The following ADAMTS6 variants were observed in gnomAD, a reference collection of about 807,000 sequenced individuals.
ADAMTS6 encodes the protein A disintegrin and metalloproteinase with thrombospondin motifs 6.
Under a neutral mutation model 144.3 loss-of-function variants are expected in ADAMTS6, and 23 were observed. The ratio of observed to expected loss-of-function variants is 0.16; its 90% confidence interval spans 0.11 to 0.23. The LOEUF (loss-of-function observed/expected upper bound fraction) is 0.23, where lower values mean the gene tolerates loss of function less well. Among genes scored for constraint, ADAMTS6 ranks in the 10% least tolerant of loss-of-function variants. The pLI, the probability that ADAMTS6 is intolerant of heterozygous loss-of-function variation, is 1.00. For missense variants in ADAMTS6, 999 were observed against 1,379.6 expected (o/e 0.72, Z 4.37); for synonymous variants, 444 against 457.5 (o/e 0.97, Z 0.38).
chr5:65,234,462 T>C (rs899449239), intron 15 of ADAMTS6, among the ~76,000 whole-genome samples: 13 of 150,792 alleles, frequency 8.6e-5, no homozygotes, highest in East Asian at 1.9e-4. Flanking sequence ...CTTTTTTTTT[T>C]CCCAAAGAAG....
At chr5:65,300,155 A>C (rs2112797307) in intron 9 of ADAMTS6, 24 bp from the exon 10 acceptor site, 2 of 1,599,118 alleles carry the variant, frequency 1.3e-6, no homozygotes, top group East Asian at 4.5e-5. Flanking sequence ...GAAGAAACAT[A>C]GAATAAATAA....
chr5:65,262,266 G>A (rs1436583506), intron 13 of ADAMTS6, among the ~76,000 whole-genome samples: 2 of 152,210 alleles, frequency 1.3e-5, no homozygotes, highest in Non-Finnish European at 2.9e-5. Flanking sequence ...CAGTCATGGG[G>A]AGAAAAGTGG....
At chr5:65,424,305 G>A (rs183364826) in intron 7 of ADAMTS6, among the ~76,000 whole-genome samples, 150 of 152,238 alleles carry the variant, frequency 9.9e-4, no homozygotes, top group African/African-American at 3.6e-3. Context: ...TCAAGAAGTA[G>A]GCAATTAAAT....
intron 11 of ADAMTS6, among the ~76,000 whole-genome samples, chr5:65,288,287 T>C (rs902346892): frequency 2.7e-5 from 4 of 148,786 alleles, no homozygotes; most frequent in African/African-American, 1.0e-4. Flanking sequence ...GTAGTTCTTT[T>C]TTTTTCTTTT....
intron 11 of ADAMTS6, among the ~76,000 whole-genome samples, chr5:65,281,481 A>G (rs539217928): frequency 2.6e-5 from 4 of 152,286 alleles, no homozygotes; most frequent in African/African-American, 9.6e-5. Flanking sequence ...CTTATGCATT[A>G]TTATTACTGA....
At chr5:65,405,386 C>A (rs543894553) in intron 7 of ADAMTS6, among the ~76,000 whole-genome samples, 2 of 152,166 alleles carry the variant, frequency 1.3e-5, no homozygotes, top group Admixed American at 6.5e-5. Context: ...TTCCCAGCAC[C>A]ATTTACTAAA....
intron 15 of ADAMTS6, among the ~76,000 whole-genome samples, chr5:65,227,241 G>T (rs184546085): frequency 9.9e-5 from 15 of 152,188 alleles, no homozygotes; most frequent in Admixed American, 8.5e-4. Flanking sequence ...ACAGCAATTT[G>T]AGCATTTTCA....
chr5:65,220,815 T>C (rs1285734418), intron 18 of ADAMTS6, among the ~76,000 whole-genome samples: 1 of 152,114 alleles, frequency 6.6e-6, no homozygotes, highest in African/African-American at 2.4e-5. Context: ...TCATTTAAAC[T>C]GTAAGCTTGT....
At chr5:65,433,213 A>G (rs1207279606) in intron 7 of ADAMTS6, among the ~76,000 whole-genome samples, 1 of 152,122 alleles carries the variant, frequency 6.6e-6, no homozygotes, top group Non-Finnish European at 1.5e-5. Context: ...TGATTCCACC[A>G]TATTTTTTCT....
intron 7 of ADAMTS6, among the ~76,000 whole-genome samples, chr5:65,335,261 C>G (rs1044943357): frequency 6.6e-6 from 1 of 152,104 alleles, no homozygotes; most frequent in African/African-American, 2.4e-5. Flanking sequence ...TTCTTTTCCT[C>G]TTGCATAAAC....
intron 7 of ADAMTS6, among the ~76,000 whole-genome samples, chr5:65,396,203 C>T (rs755045372): frequency 6.6e-6 from 1 of 152,126 alleles, no homozygotes; most frequent in Non-Finnish European, 1.5e-5. Context: ...TTTTGTACAA[C>T]CTTCCTTTTG....
At chr5:65,404,458 C>A (rs940207561) in intron 7 of ADAMTS6, among the ~76,000 whole-genome samples, 2 of 152,126 alleles carry the variant, frequency 1.3e-5, no homozygotes, top group African/African-American at 4.8e-5. Context: ...ATCCATGTCC[C>A]TACAAAGGAT....
chr5:65,275,448 G>GAGAAAGAA (rs201699293), intron 11 of ADAMTS6, among the ~76,000 whole-genome samples: 1 of 149,872 alleles, frequency 6.7e-6, no homozygotes, highest in African/African-American at 2.5e-5. Flanking sequence ...AAAAAAGAAA[G>GAGAAAGAA]AGAAAGAAAG....
At chr5:65,404,388 A>G (rs1754238068) in intron 7 of ADAMTS6, among the ~76,000 whole-genome samples, 1 of 152,128 alleles carries the variant, frequency 6.6e-6, no homozygotes, top group South Asian at 2.1e-4. Context: ...GAGTGAGAAC[A>G]TATGGTGTTT....
At chr5:65,169,920 A>T (rs1299482481) in intron 24 of ADAMTS6, among the ~76,000 whole-genome samples, 4 of 149,600 alleles carry the variant, frequency 2.7e-5, no homozygotes, top group Non-Finnish European at 5.9e-5. Context: ...TAGCATTGGG[A>T]GATATACCTA....
intron 7 of ADAMTS6, among the ~76,000 whole-genome samples, chr5:65,387,755 C>CAA (rs562217656): frequency 1.3e-5 from 2 of 150,212 alleles, no homozygotes; most frequent in African/African-American, 4.9e-5. Context: ...ATCTTCTGGC[C>CAA]AAAAAAAAGA....
At chr5:65,388,980 G>A (rs112491888) in intron 7 of ADAMTS6, among the ~76,000 whole-genome samples, 3,027 of 152,212 alleles carry the variant, frequency 0.02, 95 homozygotes, top group African/African-American at 0.069. Context: ...GGCCGAGGTG[G>A]GCGGATCACG....
At chr5:65,444,347 C>A (rs937942054) in intron 7 of ADAMTS6, among the ~76,000 whole-genome samples, 1 of 152,036 alleles carries the variant, frequency 6.6e-6, no homozygotes, top group African/African-American at 2.4e-5. Flanking sequence ...GCTTGGGAGA[C>A]AAGAGAGAGA....
chr5:65,239,127 G>T (rs1227792681), intron 15 of ADAMTS6, among the ~76,000 whole-genome samples: 5 of 152,200 alleles, frequency 3.3e-5, no homozygotes, highest in African/African-American at 1.2e-4. Flanking sequence ...TGGGGTAGGG[G>T]GAGGGGGGAG....
Sources: gnomAD v4.1 joint callset for allele counts (sites outside exome capture counted in the v4.1 genomes callset) on GRCh38, gnomAD v4.1.1 for gene constraint, MANE v1.5 for transcripts, NCBI Gene and HGNC (gene_info 2026-07-23, HGNC 2026-07-21) for gene names.